Variants in XRN1 observed in about 807,000 individuals in gnomAD.
XRN1 encodes the protein 5'-3' exoribonuclease 1, also known as strand-exchange protein 1 homolog.
A neutral mutation model predicts 222.3 loss-of-function variants in XRN1; 67 were observed. That is an observed-to-expected ratio of 0.30 (90% CI 0.25 to 0.37). The LOEUF (loss-of-function observed/expected upper bound fraction) is 0.37. Ranked by LOEUF, XRN1 falls within the 10% of genes least tolerant of loss-of-function variation. The pLI, the probability that XRN1 is intolerant of heterozygous loss-of-function variation, is 1.00. For synonymous variants in XRN1, 643 were observed against 652.4 expected (o/e 0.99, Z 0.22); for missense variants, 1,707 against 2,000.2 (o/e 0.85, Z 2.80).
At chr3:142,418,105 G>C (rs1191758123) in intron 12 of XRN1, 1 of 175,446 alleles carries the variant, frequency 5.7e-6, no homozygotes, top group Non-Finnish European at 1.2e-5. Flanking sequence ...AAATTGTTAT[G>C]AACTTTCTGC....
At chr3:142,393,841 T>G (rs1174554845) in intron 20 of XRN1, among the ~76,000 whole-genome samples, 2 of 152,144 alleles carry the variant, frequency 1.3e-5, no homozygotes, top group African/African-American at 4.8e-5. Flanking sequence ...ACCTTTTTTT[T>G]TTTTTGAGAC....
intron 32 of XRN1, among the ~76,000 whole-genome samples, chr3:142,353,090 A>G (rs2862745): frequency 0.59 from 90,091 of 152,040 alleles, 27,435 homozygotes; most frequent in African/African-American, 0.74. Context: ...ACCAAGGAAT[A>G]CATATTTGTT....
Position 142,308,574 on chromosome 3 carries a change from A to G in XRN1, c.*2937T>C, listed in dbSNP as rs2065016059. 1.3e-5 allele frequency: 2 copies of G among 152,208 alleles called. No individual in the cohort carries two copies. The allele number at this position is 152,208 out of a possible 1,614,324, so 9.4% of individuals were successfully genotyped here. A position where few individuals can be genotyped will look rare whatever the true frequency, so the allele number is the denominator to read the frequency against. On this transcript the variant is annotated 3_prime_UTR_variant, in exon 41 of 41. Transcript: ENST00000392981. ...TTAGATGTTTAAGACTTTAGTCTAC[A>G]TGATGTTTAAATCAATTAATACATT...
intron 15 of XRN1, among the ~76,000 whole-genome samples, chr3:142,411,038 A>C (rs2068556868): frequency 6.6e-6 from 1 of 152,202 alleles, no homozygotes; most frequent in Non-Finnish European, 1.5e-5. Flanking sequence ...AAGACTATTC[A>C]GATTTTTATA....
chr3:142,386,977 TTAGATATATACCCAAAAGGAATGCA>T (rs1253734245), intron 20 of XRN1, among the ~76,000 whole-genome samples: 1 of 152,142 alleles, frequency 6.6e-6, no homozygotes, highest in Non-Finnish European at 1.5e-5. Context: ...AATTCTACTC[TTAGATATATACCCAAAAGGAATGCA>T]TAGACATATA....
Position 142,447,877 on chromosome 3 carries a change from T to A in XRN1, c.68A>T (p.Glu23Val), listed in dbSNP as rs767131392. ...RYPCLSEVVK[E>V]HQIPEFDNLY... ...TGCCCCTCGCTCACCCACCTGATGC[T>A]CTTTCACCACTTCGCTGAGACAGGG... is the stretch of plus-strand genomic sequence containing the variant. Residue 23 changes from glutamate to valine, a missense_variant, in exon 1 of 41, where the codon GAG becomes GTG. Coordinates refer to ENST00000392981, the MANE Select transcript of XRN1 (RefSeq NM_001282857.2). The surrounding 1 kb of genome is among the most constrained non-coding windows in gnomAD (Gnocchi z 4.2). 1 of 1,613,558 alleles carries A rather than the reference T, an allele frequency of 6.2e-7. No individual in the cohort carries two copies. Among genetic ancestry groups the A allele is most frequent in the Non-Finnish European group, 8.5e-7 (1 of 1,179,912 alleles).
intron 33 of XRN1, among the ~76,000 whole-genome samples, chr3:142,340,970 A>T (rs986807385): frequency 6.6e-6 from 1 of 152,206 alleles, no homozygotes; most frequent in African/African-American, 2.4e-5. Context: ...GCAGTAAGAC[A>T]TTATTTGAAG....
intron 25 of XRN1, among the ~76,000 whole-genome samples, chr3:142,371,906 T>C (rs929596609): frequency 1.3e-5 from 2 of 152,196 alleles, no homozygotes; most frequent in African/African-American, 4.8e-5. Flanking sequence ...GTTAAAATTT[T>C]AGAAACTGGA....
At chr3:142,438,702 T>C (rs1445445728) in intron 1 of XRN1, among the ~76,000 whole-genome samples, 1 of 152,158 alleles carries the variant, frequency 6.6e-6, no homozygotes, top group Non-Finnish European at 1.5e-5. Flanking sequence ...CGATATCCTC[T>C]TCAAGGGGGA....
At chr3:142,426,140 C>T (rs2069236684) in intron 3 of XRN1, among the ~76,000 whole-genome samples, 1 of 152,000 alleles carries the variant, frequency 6.6e-6, no homozygotes, top group Non-Finnish European at 1.5e-5. Flanking sequence ...GGCAAATTAC[C>T]ACTGTTAGTA....
chr3:142,426,946 C>T, intron 2 of XRN1, 105 bp from the exon 3 acceptor site: 1 of 774,790 alleles, frequency 1.3e-6, no homozygotes, highest in Non-Finnish European at 2.1e-6. Context: ...AGTAATTCAC[C>T]AGTTTTAACG....
At chr3:142,343,459 AAAAAAAAG>A (rs202070552) in intron 33 of XRN1, among the ~76,000 whole-genome samples, 5,584 of 152,028 alleles carry the variant, frequency 0.037, 349 homozygotes, top group African/African-American at 0.13. Flanking sequence ...CGTCTTAAAA[AAAAAAAAG>A]AAAAAAAGAA....
At chr3:142,402,801 T>A (rs1299328676) in intron 18 of XRN1, among the ~76,000 whole-genome samples, 1 of 152,204 alleles carries the variant, frequency 6.6e-6, no homozygotes, top group East Asian at 1.9e-4. Context: ...AATTACAATT[T>A]TTTTTTTAGT....
chr3:142,322,637 C>T (rs958188335), intron 37 of XRN1, among the ~76,000 whole-genome samples: 14 of 151,846 alleles, frequency 9.2e-5, no homozygotes, highest in Admixed American at 6.6e-4. Flanking sequence ...CTCGTGCCAC[C>T]GCACTCTAGC....
At chr3:142,401,710 TCAAA>T (rs761940718) in intron 18 of XRN1, among the ~76,000 whole-genome samples, 8 of 152,050 alleles carry the variant, frequency 5.3e-5, no homozygotes, top group East Asian at 1.9e-4. Context: ...TGAGACTCTG[TCAAA>T]CAAACAAACA....
chr3:142,391,308 A>G (rs1217333169), intron 20 of XRN1, among the ~76,000 whole-genome samples: 1 of 152,228 alleles, frequency 6.6e-6, no homozygotes, highest in Non-Finnish European at 1.5e-5. Flanking sequence ...TGCTTCTATT[A>G]AAATAAAATC....
intron 36 of XRN1, among the ~76,000 whole-genome samples, chr3:142,330,593 G>GT (rs74269485): frequency 0.019 from 2,663 of 137,048 alleles, 36 homozygotes; most frequent in African/African-American, 0.037. Context: ...AAGCCTATGA[G>GT]TTTTTTTTTT....
chr3:142,412,753 AGTTT>A, intron 14 of XRN1, 90 bp from the exon 15 acceptor site: 1 of 1,116,390 alleles, frequency 9.0e-7, no homozygotes, highest in East Asian at 2.9e-5. Context: ...TCCTCATGTT[AGTTT>A]AAAATTTCTA....
Position 142,404,991 on chromosome 3 carries a change from A to G in XRN1, c.1799T>C (p.Met600Thr). The G allele has an allele frequency of 6.2e-7, 1 of 1,613,986 alleles. No individual in the cohort carries two copies. The highest frequency in any genetic ancestry group is 8.5e-7 in the Non-Finnish European group (1 of 1,179,890). The change falls in exon 16 of 41, where the codon ATG (methionine) becomes ACG (threonine). Residue 600 changes from methionine to threonine, a missense_variant. Met to Thr is a moderately conservative substitution (Grantham distance 81). Coordinates refer to ENST00000392981, the MANE Select transcript of XRN1 (RefSeq NM_001282857.2). ...CTCTGTGTCTCTATCATACCAGCAC[A>G]TTAGGCACTCACTATGTTGGTTTCT... The part of the protein sequence containing the change: ...RKRNQHSECL[M>T]CWYDRDTEFI...
Sources: allele counts gnomAD v4.1 joint callset (sites outside exome capture counted in the v4.1 genomes callset), GRCh38; gene constraint gnomAD v4.1.1; non-coding constraint Gnocchi (gnomAD v3.1); transcripts MANE v1.5; gene names NCBI Gene and HGNC (gene_info 2026-07-23, HGNC 2026-07-21).